LINC00632: variants seen among roughly 807,000 people sequenced by gnomAD.
The protein encoded by LINC00632 is long independently transcribed non-coding RNA 632.
chrX:140,784,348 C>CGTCT, exon 5 of LINC00632: 1 of 1,210,289 alleles, frequency 8.3e-7, no homozygotes, highest in East Asian at 3.0e-5. Flanking sequence ...AGAAAATCCA[C>CGTCT]GTCTTCCAAC....
chrX:140,735,693 A>G (rs191992835), intron 3 of LINC00632, among the ~76,000 whole-genome samples: 1,305 of 110,580 alleles, frequency 0.012, 11 homozygotes, highest in Non-Finnish European at 0.019. Flanking sequence ...CAGCCTCCCA[A>G]GTAGCTGGGA....
At chrX:140,716,780 T>TACACAC (rs200811174) in intron 2 of LINC00632, among the ~76,000 whole-genome samples, 1,143 of 89,813 alleles carry the variant, frequency 0.013, 9 homozygotes, top group African/African-American at 0.025. Flanking sequence ...GCCCACAACA[T>TACACAC]ACACACACAC....
chrX:140,723,587 T>TTCCA (rs1930794136), intron 2 of LINC00632, among the ~76,000 whole-genome samples: 2 of 2,016 alleles, frequency 9.9e-4, no homozygotes, highest in African/African-American at 4.1e-3. Flanking sequence ...CACACACACA[T>TTCCA]TCCATACACA....
At chrX:140,753,585 A>G (rs1378207702) in intron 3 of LINC00632, among the ~76,000 whole-genome samples, 1 of 110,157 alleles carries the variant, frequency 9.1e-6, no homozygotes, top group African/African-American at 3.3e-5. Flanking sequence ...ATTTTATAAA[A>G]TATCCCGTTA....
At chrX:140,746,013 A>G (rs1931322263) in intron 3 of LINC00632, among the ~76,000 whole-genome samples, 1 of 112,189 alleles carries the variant, frequency 8.9e-6, no homozygotes. Context: ...AGAGGAAAAG[A>G]GAACTTGGTC....
chrX:140,759,334 TTCCTTCCTTCC>T lies in LINC00632; in HGVS notation n.192-12742_192-12732del, dbSNP rs1370919483. On this transcript the variant is annotated intron_variant and non_coding_transcript_variant, in intron 3 of 4. Transcript: ENST00000648200. ...CTTCCTTCCTTCCTTCCTTCCTTCC[TTCCTTCCTTCC>T]TTTCTTTCTTTCTTTCTTTCTTTTT... Among the ~76,000 whole-genome samples, 3 of 57,022 alleles carry T rather than the reference TTCCTTCCTTCC, an allele frequency of 5.3e-5. No individual in the cohort carries two copies. In the East Asian group the frequency reaches 1.2e-3, roughly 22 times the overall value. 49.5% of individuals were successfully genotyped at this position (57,022 alleles called of 115,157 possible).
intron 3 of LINC00632, among the ~76,000 whole-genome samples, chrX:140,747,127 A>G (rs977115179): frequency 8.9e-6 from 1 of 112,176 alleles, no homozygotes; most frequent in Non-Finnish European, 1.9e-5. Flanking sequence ...TGCAACAAAA[A>G]CTTTGTTGTA....
chrX:140,723,956 GCA>G (rs1286643797), intron 2 of LINC00632, among the ~76,000 whole-genome samples: 14 of 30,297 alleles, frequency 4.6e-4, no homozygotes, highest in African/African-American at 1.2e-3. Context: ...CCATACACAT[GCA>G]CAGTTACCCA....
At chrX:140,727,917 G>A (rs1349212716) in intron 2 of LINC00632, among the ~76,000 whole-genome samples, 3 of 111,532 alleles carry the variant, frequency 2.7e-5, no homozygotes, top group Non-Finnish European at 5.6e-5. Flanking sequence ...CCTTACCCAT[G>A]AACTCACAGT....
In LINC00632 at chrX:140,734,723, C is replaced by T. The variant is rs73590165; in HGVS notation, n.191+759C>T. Among the ~76,000 whole-genome samples the T allele has an allele frequency of 4.4e-3, 464 of 106,061 alleles. 3 individuals are homozygous for T. The highest frequency in any genetic ancestry group is 0.015 in the African/African-American group (448 of 29,093). The allele number at this position is 106,061 out of a possible 115,157, so 92.1% of individuals were successfully genotyped here. A position where few individuals can be genotyped will look rare whatever the true frequency, so the allele number is the denominator to read the frequency against. ...AAATATTACACATTTGGTAAGTAAT[C>T]AGTAAAATGAAAAGTAAAATTGGTT... On this transcript the variant is annotated intron_variant and non_coding_transcript_variant, in intron 3 of 4. Coordinates refer to ENST00000648200, the Ensembl canonical transcript of LINC00632.
At chrX:140,753,345 C>G (rs1189162672) in intron 3 of LINC00632, among the ~76,000 whole-genome samples, 1 of 111,950 alleles carries the variant, frequency 8.9e-6, no homozygotes, top group Non-Finnish European at 1.9e-5. Context: ...GCACTTTCAG[C>G]TTTGAGTGTT....
chrX:140,748,888 A>T (rs201766769), intron 3 of LINC00632, among the ~76,000 whole-genome samples: 2 of 76,095 alleles, frequency 2.6e-5, no homozygotes, highest in African/African-American at 8.7e-5. Context: ...AAAATATATA[A>T]AATAAAATAT....
At chrX:140,759,825 G>A (rs751727594) in intron 3 of LINC00632, among the ~76,000 whole-genome samples, 21 of 111,774 alleles carry the variant, frequency 1.9e-4, no homozygotes, top group Non-Finnish European at 3.8e-4. Context: ...ACCATAGGGT[G>A]CTGATAGTCT....
exon 5 of LINC00632, among the ~76,000 whole-genome samples, chrX:140,788,805 T>C (rs1335324395): frequency 9.7e-6 from 1 of 103,343 alleles, no homozygotes; most frequent in Non-Finnish European, 1.9e-5. Flanking sequence ...TATATACACA[T>C]ATATGTATCT....
intron 2 of LINC00632, among the ~76,000 whole-genome samples, chrX:140,727,417 G>A (rs760350712): frequency 1.1e-4 from 12 of 111,245 alleles, no homozygotes; most frequent in Non-Finnish European, 2.1e-4. Context: ...TCAGCCTCCT[G>A]AGTAGCTGGG....
At chrX:140,776,391 A>G (rs981479142) in exon 5 of LINC00632, among the ~76,000 whole-genome samples, 5 of 112,817 alleles carry the variant, frequency 4.4e-5, no homozygotes, top group Non-Finnish European at 3.8e-5. Context: ...GTAGCAGAGC[A>G]GATTCCTCGT....
At chrX:140,723,452 C>CCATA (rs375229739) in intron 2 of LINC00632, among the ~76,000 whole-genome samples, 108 of 9,451 alleles carry the variant, frequency 0.011, 2 homozygotes, top group African/African-American at 0.016. Flanking sequence ...CACACACATT[C>CCATA]CACACACACA....
intron 3 of LINC00632, among the ~76,000 whole-genome samples, chrX:140,759,316 CCTTCCT>C (rs1931556095): frequency 1.5e-5 from 1 of 66,835 alleles, no homozygotes; most frequent in South Asian, 7.7e-4. Context: ...TTCCTTCCTT[CCTTCCT>C]TCCTTCCTTC....
At chrX:140,721,569 T>C (rs1048594258) in intron 2 of LINC00632, among the ~76,000 whole-genome samples, 3 of 110,608 alleles carry the variant, frequency 2.7e-5, no homozygotes, top group Non-Finnish European at 5.7e-5. Flanking sequence ...AGAGCTCAGG[T>C]GGTAATGCTT....
Sources: allele counts gnomAD v4.1 joint callset (sites outside exome capture counted in the v4.1 genomes callset), GRCh38; gene constraint gnomAD v4.1.1; transcripts MANE v1.5; gene names NCBI Gene and HGNC (gene_info 2026-07-23, HGNC 2026-07-21).